CLIP4: variants seen among roughly 807,000 people sequenced by gnomAD.
CLIP4 encodes the protein CAP-Gly domain-containing linker protein 4.
Under a neutral mutation model 73.1 loss-of-function variants are expected in CLIP4, and 47 were observed. The ratio of observed to expected loss-of-function variants is 0.64; its 90% CI spans 0.51 to 0.82. The LOEUF is 0.82. Among genes scored for constraint, CLIP4 ranks in the 40% least tolerant of loss-of-function variants. The pLI is 0.00. For missense variants in CLIP4, 874 were observed against 852.9 expected (o/e 1.02, Z -0.31); for synonymous variants, 306 against 295.4 (o/e 1.04, Z -0.37).
chr2:29,180,903 C>A (rs1668609544), intron 15 of CLIP4, among the ~76,000 whole-genome samples: 1 of 151,322 alleles, frequency 6.6e-6, no homozygotes, highest in African/African-American at 2.4e-5. Context: ...AATCTTAAAT[C>A]CAGAATGGGG....
rs1573031787 is a variant in CLIP4 at position 29,172,048 on chromosome 2, G to C, written c.1724-2325G>C. ...TTCATTCTGTTTACTGCCTCTACTT[G>C]TGTAGAAGTTATAGTCTATGAATAT... On this transcript the variant is annotated intron_variant, in intron 14 of 15. Transcript: ENST00000320081. Among the ~76,000 whole-genome samples the C allele has an allele frequency of 4.7e-5, 6 of 126,720 alleles. No homozygotes were observed. In the Admixed American group the frequency reaches 5.2e-4, roughly 11 times the overall value. 83.1% of individuals were successfully genotyped at this position (126,720 alleles called of 152,430 possible).
intron 3 of CLIP4, 62 bp from the exon 4 acceptor site, chr2:29,132,090 G>T: frequency 7.9e-7 from 1 of 1,266,000 alleles, no homozygotes; most frequent in Non-Finnish European, 1.2e-6. Context: ...CTCAGCATTG[G>T]TTTGAAAGCA....
At chr2:29,113,991 G>A (rs972098525), upstream of CLIP4, 14 of 152,234 alleles carry the variant, frequency 9.2e-5, no homozygotes, top group African/African-American at 3.1e-4. The surrounding 1 kb of genome is among the most constrained non-coding windows in gnomAD (Gnocchi z 4.0). Flanking sequence ...GGAAGTATCC[G>A]TGTCACATTA....
At chr2:29,134,746 C>G (rs1431996417) in intron 5 of CLIP4, among the ~76,000 whole-genome samples, 1 of 152,014 alleles carries the variant, frequency 6.6e-6, no homozygotes, top group East Asian at 1.9e-4. Flanking sequence ...ATGGGATTCC[C>G]AAATCTGGAG....
At chr2:29,111,096 C>T (rs1668376295), upstream of CLIP4, among the ~76,000 whole-genome samples, 1 of 152,178 alleles carries the variant, frequency 6.6e-6, no homozygotes, top group African/African-American at 2.4e-5. Context: ...TTCTCTGAGG[C>T]ATATCCAGGA....
intron 6 of CLIP4, among the ~76,000 whole-genome samples, chr2:29,138,826 A>G (rs554076143): frequency 6.6e-6 from 1 of 152,088 alleles, no homozygotes; most frequent in African/African-American, 2.4e-5. Context: ...TAGAAATGCT[A>G]CTGATTTTCG....
At chr2:29,123,152 T>A (rs1664380428) in intron 2 of CLIP4, among the ~76,000 whole-genome samples, 1 of 152,200 alleles carries the variant, frequency 6.6e-6, no homozygotes, top group South Asian at 2.1e-4. Flanking sequence ...CTGCAGATAG[T>A]TTGAACATTT....
At position 29,156,369 on chromosome 2, in the gene CLIP4, A is replaced by G; in HGVS notation, c.1181A>G (p.Lys394Arg). The change falls in exon 10 of 16, where the codon AAA becomes AGA. Residue 394 changes from lysine to arginine, a missense_variant. Lys to Arg is a conservative substitution (Grantham distance 26). Transcript: ENST00000320081. ...SKVNTGLMTS[K>R]KDSASESTLS... ...TGTGTCCAAGGATTAATGACATCAA[A>G]AAAAGATAGTGCTTCTGAGTCAACA... 6.4e-7 allele frequency: 1 copy of G among 1,573,406 alleles called. No homozygotes were observed. Among genetic ancestry groups the G allele is most frequent in the Non-Finnish European group, 8.5e-7 (1 of 1,169,716 alleles).
intron 15 of CLIP4, among the ~76,000 whole-genome samples, chr2:29,180,571 TG>T (rs1470999503): frequency 6.6e-6 from 1 of 152,212 alleles, no homozygotes; most frequent in Non-Finnish European, 1.5e-5. Context: ...TACATACATA[TG>T]TGTATAGATA....
chr2:29,131,291 G>A lies in CLIP4; in HGVS notation c.167G>A (p.Cys56Tyr). The change falls in exon 3 of 16, where the codon TGC (cysteine) becomes TAC (tyrosine). Residue 56 changes from cysteine to tyrosine, a missense_variant. Cys to Tyr is a radical substitution (Grantham distance 194). Transcript: ENST00000320081. ...TTCTTTGATCCTAATGATGCATCAT[G>A]CCAGGAAATTCTTTTTGATCCCAAA... ...FSFFDPNDAS[C>Y]QEILFDPKTS... is the part of the protein sequence containing the mutation. The A allele has an allele frequency of 6.2e-7, 1 of 1,608,812 alleles. No homozygotes were observed. Among genetic ancestry groups the A allele is most frequent in the Non-Finnish European group, 8.5e-7 (1 of 1,178,034 alleles).
intron 2 of CLIP4, among the ~76,000 whole-genome samples, chr2:29,122,914 C>A (rs1360848520): frequency 1.3e-5 from 2 of 151,762 alleles, no homozygotes; most frequent in African/African-American, 4.8e-5. Context: ...ACTCACCTCC[C>A]TGTGTAGACA....
At position 29,156,449 on chromosome 2, in the gene CLIP4, A is replaced by T. The variant is rs368124698; in HGVS notation, c.1255+6A>T. The T allele has an allele frequency of 3.2e-6, 5 of 1,544,730 alleles. No individual in the cohort carries two copies. The African/African-American group carries it at 7.1e-5, about 22-fold the overall frequency. On this transcript the variant is annotated splice_donor_region_variant and intron_variant, in intron 10 of 15. Transcript: ENST00000320081. The stretch of plus-strand genomic sequence containing the variant: ...AACTGTGACAGAGAAAGATGGTAAT[A>T]TACCTTGTAACCTCTGTTTCTCAAA...
At chr2:29,146,257 C>G (rs974214141) in intron 8 of CLIP4, among the ~76,000 whole-genome samples, 2 of 152,122 alleles carry the variant, frequency 1.3e-5, no homozygotes, top group East Asian at 1.9e-4. Flanking sequence ...CTCTGCAGAC[C>G]TCCCTCAAAT....
At chr2:29,143,316 A>G (rs892449078) in intron 6 of CLIP4, among the ~76,000 whole-genome samples, 12 of 151,716 alleles carry the variant, frequency 7.9e-5, no homozygotes, top group African/African-American at 2.2e-4. Context: ...GATGCATCTC[A>G]TCAGTGAGGC....
chr2:29,117,749 A>G (rs1186232808), intron 1 of CLIP4, among the ~76,000 whole-genome samples: 1 of 152,204 alleles, frequency 6.6e-6, no homozygotes, highest in Non-Finnish European at 1.5e-5. Context: ...CTGTGCTTTC[A>G]TAGGACTCAG....
chr2:29,101,036 A>C (rs1205054172), intron 1 of CLIP4, among the ~76,000 whole-genome samples: 1 of 152,170 alleles, frequency 6.6e-6, no homozygotes, highest in East Asian at 1.9e-4. Context: ...CACACCTGTA[A>C]TTCCAGCACT....
At chr2:29,156,719 A>G (rs1195888449) in intron 10 of CLIP4, among the ~76,000 whole-genome samples, 2 of 152,168 alleles carry the variant, frequency 1.3e-5, no homozygotes, top group Admixed American at 6.5e-5. Flanking sequence ...AATATAGAGC[A>G]CTCTACACAA....
chr2:29,112,875 A>G (rs1668418064), upstream of CLIP4, among the ~76,000 whole-genome samples: 1 of 152,248 alleles, frequency 6.6e-6, no homozygotes, highest in African/African-American at 2.4e-5. Flanking sequence ...TCCATGTAAA[A>G]GCAGTGACCT....
chr2:29,149,728 T>A (rs370969005), intron 8 of CLIP4, among the ~76,000 whole-genome samples: 23 of 144,458 alleles, frequency 1.6e-4, no homozygotes, highest in African/African-American at 2.6e-4. Context: ...CTTTGGCTAA[T>A]AAAAAAAAAA....
Sources: gnomAD v4.1 joint callset for allele counts (sites outside exome capture counted in the v4.1 genomes callset) on GRCh38, gnomAD v4.1.1 for gene constraint, Gnocchi (gnomAD v3.1) non-coding constraint, MANE v1.5 for transcripts, NCBI Gene and HGNC (gene_info 2026-07-23, HGNC 2026-07-21) for gene names.